MAST4: variants seen among roughly 807,000 people sequenced by gnomAD.
MAST4 encodes the protein microtubule-associated serine/threonine-protein kinase 4.
In MAST4, 89 loss-of-function variants were observed where a neutral mutation model predicts 162.7. That is an observed-to-expected ratio of 0.55 (90% confidence interval 0.46 to 0.65). The LOEUF is 0.65. Among genes scored for constraint, MAST4 ranks in the 30% least tolerant of loss-of-function variants. The pLI, the probability that MAST4 is intolerant of heterozygous loss-of-function variation, is 0.00. For synonymous variants in MAST4, 1,479 were observed against 1,361.1 expected (o/e 1.09, Z -1.91); for missense variants, 3,153 against 3,374.0 (o/e 0.93, Z 1.62).
intron 1 of MAST4, among the ~76,000 whole-genome samples, chr5:66,701,767 A>G (rs1243153250): frequency 6.6e-6 from 1 of 152,144 alleles, no homozygotes; most frequent in African/African-American, 2.4e-5. Flanking sequence ...ACCTCCATCT[A>G]TTATTTTATC....
chr5:66,999,474 C>T (rs1323048377), intron 4 of MAST4, among the ~76,000 whole-genome samples: 1 of 152,150 alleles, frequency 6.6e-6, no homozygotes, highest in African/African-American at 2.4e-5. Context: ...ATTTTGTTAG[C>T]TTATAGGTTA....
chr5:67,155,828 G>A (rs991496101), intron 26 of MAST4, among the ~76,000 whole-genome samples: 1 of 152,112 alleles, frequency 6.6e-6, no homozygotes, highest in African/African-American at 2.4e-5. Context: ...TTGGGAGGCC[G>A]AGGTGGGGCG....
chr5:66,982,886 A>G (rs778447), intron 4 of MAST4, among the ~76,000 whole-genome samples: 131,522 of 152,226 alleles, frequency 0.86, 56,858 homozygotes, highest in Non-Finnish European at 0.89. Flanking sequence ...TGATTAATTT[A>G]CACAACTATA....
At chr5:66,799,319 A>G (rs927103840) in intron 3 of MAST4, among the ~76,000 whole-genome samples, 3 of 152,136 alleles carry the variant, frequency 2.0e-5, no homozygotes, top group Non-Finnish European at 4.4e-5. Flanking sequence ...TCCAGGTTAC[A>G]TGACCCTCCT....
intron 1 of MAST4, among the ~76,000 whole-genome samples, chr5:66,715,636 A>G (rs1272778373): frequency 4.0e-5 from 6 of 150,632 alleles, no homozygotes; most frequent in Admixed American, 2.0e-4. Flanking sequence ...AAACCTGCAC[A>G]TTGTGCACAT....
intron 3 of MAST4, among the ~76,000 whole-genome samples, chr5:66,817,236 G>A (rs55929615): frequency 6.6e-6 from 1 of 152,022 alleles, no homozygotes; most frequent in East Asian, 1.9e-4. Context: ...TGAATCAAGG[G>A]GATAAAACAA....
At chr5:66,959,293 G>A (rs1745707727) in intron 4 of MAST4, 1 of 779,596 alleles carries the variant, frequency 1.3e-6, no homozygotes, top group African/African-American at 1.7e-5. Flanking sequence ...GCTGACCTTG[G>A]AGTAAGTATT....
At chr5:66,773,644 G>A (rs993355296) in intron 2 of MAST4, among the ~76,000 whole-genome samples, 1 of 152,200 alleles carries the variant, frequency 6.6e-6, no homozygotes, top group Non-Finnish European at 1.5e-5. Context: ...CCTCATGAAT[G>A]GGACTAAGAC....
intron 1 of MAST4, among the ~76,000 whole-genome samples, chr5:66,682,929 A>G (rs1024087779): frequency 2.0e-5 from 3 of 152,124 alleles, no homozygotes; most frequent in African/African-American, 7.2e-5. Flanking sequence ...GTTGTATTGT[A>G]GATTGTTCTT....
chr5:66,745,000 A>G (rs965804656), intron 1 of MAST4, among the ~76,000 whole-genome samples: 6 of 152,186 alleles, frequency 3.9e-5, no homozygotes, highest in African/African-American at 1.4e-4. Flanking sequence ...AAGCATAGGG[A>G]AGGGGGAAGA....
At chr5:66,667,290 T>C (rs1319970590) in intron 1 of MAST4, among the ~76,000 whole-genome samples, 1 of 152,232 alleles carries the variant, frequency 6.6e-6, no homozygotes, top group African/African-American at 2.4e-5. Context: ...ATTCATTAGT[T>C]GCTCTTCTTT....
At chr5:66,972,966 TC>T (rs1191864556) in intron 4 of MAST4, among the ~76,000 whole-genome samples, 1 of 152,222 alleles carries the variant, frequency 6.6e-6, no homozygotes, top group East Asian at 1.9e-4. Context: ...TTTTTTTAAA[TC>T]CCAAACCTGT....
At chr5:67,007,772 C>G (rs1159675299) in intron 4 of MAST4, among the ~76,000 whole-genome samples, 1 of 152,086 alleles carries the variant, frequency 6.6e-6, no homozygotes, top group Non-Finnish European at 1.5e-5. Flanking sequence ...CCTTATAGTT[C>G]AATGTGATGC....
At chr5:67,104,739 T>C (rs1581575746) in intron 10 of MAST4, among the ~76,000 whole-genome samples, 164 bp downstream of exon 10, 1 of 151,248 alleles carries the variant, frequency 6.6e-6, no homozygotes, top group East Asian at 1.9e-4. Context: ...TTGCTATAAA[T>C]TGATTCTGGT....
chr5:66,838,704 G>C (rs530717442), intron 3 of MAST4, among the ~76,000 whole-genome samples: 1 of 152,332 alleles, frequency 6.6e-6, no homozygotes, highest in South Asian at 2.1e-4. Flanking sequence ...GGATGAACAG[G>C]TACTGATTAG....
At chr5:66,634,975 G>T (rs1389450142) in intron 1 of MAST4, among the ~76,000 whole-genome samples, 1 of 152,232 alleles carries the variant, frequency 6.6e-6, no homozygotes, top group Non-Finnish European at 1.5e-5. Flanking sequence ...ACCCAATCCT[G>T]CCTCTGGGAT....
intron 3 of MAST4, among the ~76,000 whole-genome samples, chr5:66,836,232 T>C (rs1757961257): frequency 6.6e-6 from 1 of 151,872 alleles, no homozygotes; most frequent in Non-Finnish European, 1.5e-5. Context: ...CTGAAAATAG[T>C]GTCAAGTGAA....
In MAST4 at chr5:66,937,106, T is replaced by C. The variant is rs570892106; in HGVS notation, c.674+37124T>C. Among the ~76,000 whole-genome samples the C allele has an allele frequency of 5.9e-5, 9 of 152,322 alleles. 1 individual carries two copies. In the South Asian group the frequency reaches 1.9e-3, roughly 32 times the overall value. On this transcript the variant is annotated intron_variant, in intron 4 of 28. Coordinates refer to ENST00000403625, the MANE Select transcript of MAST4 (RefSeq NM_001164664.2). ...CATGGGAAATACAGAGAGGTACTCATGTTATTTTAAAACACTTACGGTACT... is the reference window on the plus strand; with the variant it reads ...CATGGGAAATACAGAGAGGTACTCACGTTATTTTAAAACACTTACGGTACT...
chr5:66,707,822 G>GTTT (rs1750232521), intron 1 of MAST4, among the ~76,000 whole-genome samples: 1 of 152,118 alleles, frequency 6.6e-6, no homozygotes, highest in East Asian at 1.9e-4. Context: ...GAAACCAAGG[G>GTTT]CAGGGGTGTG....
Sources: gnomAD v4.1 joint callset for allele counts (sites outside exome capture counted in the v4.1 genomes callset) on GRCh38, gnomAD v4.1.1 for gene constraint, MANE v1.5 for transcripts, NCBI Gene and HGNC (gene_info 2026-07-23, HGNC 2026-07-21) for gene names.